Variants in NR6A1 observed in about 807,000 individuals in gnomAD.
The protein encoded by NR6A1 is nuclear receptor subfamily 6 group A member 1, also known as retinoic acid receptor-related testis-associated receptor.
A neutral mutation model predicts 59.1 loss-of-function variants in NR6A1; 7 were observed. That is an observed-to-expected ratio of 0.12 (90% confidence interval 0.07 to 0.22). NR6A1 has a LOEUF of 0.22. NR6A1 is among the 10% of genes least tolerant of loss of function. The pLI is 1.00. For missense variants in NR6A1, 468 were observed against 611.6 expected, an observed-to-expected ratio of 0.77 and a Z score of 2.48; for synonymous variants, 243 against 236.1, an observed-to-expected ratio of 1.03 and a Z score of -0.27.
chr9:124,568,436 T>C (rs889694677), intron 2 of NR6A1, among the ~76,000 whole-genome samples: 1 of 151,478 alleles, frequency 6.6e-6, no homozygotes, highest in Admixed American at 6.6e-5. Flanking sequence ...TGAACCGAGA[T>C]TGTGCCACTG....
intron 3 of NR6A1, among the ~76,000 whole-genome samples, chr9:124,549,948 CT>C (rs1833720555): frequency 6.6e-6 from 1 of 152,226 alleles, no homozygotes; most frequent in Non-Finnish European, 1.5e-5. Flanking sequence ...CCTTCATAGT[CT>C]TCTCCAATCT....
At chr9:124,737,363 A>G (rs1324376693) in intron 1 of NR6A1, among the ~76,000 whole-genome samples, 2 of 152,162 alleles carry the variant, frequency 1.3e-5, no homozygotes, top group Non-Finnish European at 2.9e-5. Flanking sequence ...CAAACCACAT[A>G]CCTACTGACC....
intron 9 of NR6A1, 131 bp downstream of exon 9, chr9:124,524,590 C>G (rs1832879598): frequency 2.0e-6 from 2 of 987,568 alleles, no homozygotes; most frequent in Non-Finnish European, 2.9e-6. Context: ...TTTTTGAGGG[C>G]AAGGGTGAGA....
intron 2 of NR6A1, among the ~76,000 whole-genome samples, chr9:124,722,753 C>T (rs1220433935): frequency 1.3e-5 from 2 of 152,080 alleles, no homozygotes; most frequent in Admixed American, 6.6e-5. Context: ...GTCTCACTCC[C>T]GACACCCAGG....
At chr9:124,622,587 A>G (rs1246397419) in intron 2 of NR6A1, among the ~76,000 whole-genome samples, 1 of 152,192 alleles carries the variant, frequency 6.6e-6, no homozygotes, top group Non-Finnish European at 1.5e-5. Flanking sequence ...AGTTAAGCAA[A>G]CTACAAATAC....
Position 124,701,201 on chromosome 9 carries a change from G to T in NR6A1, c.142+32107C>A, listed in dbSNP as rs186677437. The stretch of plus-strand genomic sequence containing the variant: ...CTGATTTACATTACCATTGTAACAC[G>T]CAAGATTTCTAGTTTCTACACATCC... On this transcript the variant is annotated intron_variant, in intron 2 of 9. Transcript: ENST00000487099. Among the ~76,000 whole-genome samples the T allele has an allele frequency of 5.0e-4, 76 of 152,238 alleles. 1 individual carries two copies. Among genetic ancestry groups the T allele is most frequent in the Middle Eastern group, 6.8e-3 (2 of 294 alleles).
At chr9:124,711,678 C>A (rs1281473819) in intron 2 of NR6A1, among the ~76,000 whole-genome samples, 1 of 152,134 alleles carries the variant, frequency 6.6e-6, no homozygotes, top group Non-Finnish European at 1.5e-5. Flanking sequence ...ACCTTCTGTC[C>A]CTATTACCTC....
intron 2 of NR6A1, among the ~76,000 whole-genome samples, chr9:124,647,298 C>T (rs1190717131): frequency 6.6e-6 from 1 of 151,910 alleles, no homozygotes; most frequent in African/African-American, 2.4e-5. Context: ...AAATAAAGAC[C>T]CAAATCAGAG....
intron 7 of NR6A1, among the ~76,000 whole-genome samples, chr9:124,531,893 T>C (rs1325403585): frequency 7.2e-5 from 11 of 152,352 alleles, no homozygotes; most frequent in African/African-American, 2.6e-4. Flanking sequence ...GTCCAGGCCT[T>C]GTTCCCTTTT....
At chr9:124,542,762 C>T (rs992510427) in intron 4 of NR6A1, among the ~76,000 whole-genome samples, 4 of 152,162 alleles carry the variant, frequency 2.6e-5, no homozygotes, top group Non-Finnish European at 5.9e-5. Context: ...CTTGCTATGT[C>T]GCCCAGGCTC....
chr9:124,607,059 A>C (rs573060034), intron 2 of NR6A1: 4 of 152,298 alleles, frequency 2.6e-5, no homozygotes, highest in Admixed American at 2.6e-4. Context: ...AGGGACAATA[A>C]AACTTGATGC....
Position 124,620,553 on chromosome 9 carries a change from C to G in NR6A1, c.143-65983G>C, listed in dbSNP as rs80007665. The stretch of plus-strand genomic sequence containing the variant: ...GACAAACTTCAAAACCACCATGCTA[C>G]GTGAAAGCAGCAAGACACAGATAAT... On this transcript the variant is annotated intron_variant, in intron 2 of 9. Coordinates refer to ENST00000487099, the MANE Select transcript of NR6A1 (RefSeq NM_033334.4). Among the ~76,000 whole-genome samples, 1,014 of 152,194 alleles carry G rather than the reference C, an allele frequency of 6.7e-3. 4 individuals are homozygous for G. The highest frequency in any genetic ancestry group is 0.015 in the South Asian group (72 of 4,826).
intron 1 of NR6A1, among the ~76,000 whole-genome samples, chr9:124,743,750 G>A (rs191084768): frequency 4.8e-4 from 73 of 152,294 alleles, no homozygotes; most frequent in African/African-American, 1.7e-3. Context: ...AGGTGAAAAC[G>A]GTTTAGGAAG....
At chr9:124,733,158 G>C (rs1839930587) in intron 2 of NR6A1, 150 bp downstream of exon 2, 14 of 653,144 alleles carry the variant, frequency 2.1e-5, no homozygotes, top group Non-Finnish European at 3.5e-5. Flanking sequence ...AAAAGACAGA[G>C]TGCCCTTCCT....
chr9:124,555,525 A>G (rs1335953506), intron 2 of NR6A1, among the ~76,000 whole-genome samples: 1 of 152,234 alleles, frequency 6.6e-6, no homozygotes, highest in Non-Finnish European at 1.5e-5. Flanking sequence ...CTGAAGCAGG[A>G]GGACTGCTTG....
chr9:124,756,399 T>A, intron 1 of NR6A1, among the ~76,000 whole-genome samples: 1 of 152,246 alleles, frequency 6.6e-6, no homozygotes, highest in South Asian at 2.1e-4. Flanking sequence ...GCAAAGCAAA[T>A]GATCTTCAAA....
intron 2 of NR6A1, among the ~76,000 whole-genome samples, chr9:124,575,199 G>A (rs1834553546): frequency 6.6e-6 from 1 of 152,188 alleles, no homozygotes. Flanking sequence ...TCTCAGGCTG[G>A]TCACTAATTT....
intron 2 of NR6A1, among the ~76,000 whole-genome samples, chr9:124,589,306 C>T (rs915991704): frequency 6.6e-6 from 1 of 150,896 alleles, no homozygotes; most frequent in Admixed American, 6.6e-5. Context: ...ATTAGCCGGG[C>T]GCGGTGGCGG....
At chr9:124,623,088 G>C (rs2130864252) in intron 2 of NR6A1, among the ~76,000 whole-genome samples, 2 of 152,292 alleles carry the variant, frequency 1.3e-5, no homozygotes, top group East Asian at 3.9e-4. Flanking sequence ...CCCTGTAGAG[G>C]TTGGCAGGAT....
Sources: gnomAD v4.1 joint callset for allele counts (sites outside exome capture counted in the v4.1 genomes callset) on GRCh38, gnomAD v4.1.1 for gene constraint, MANE v1.5 for transcripts, NCBI Gene and HGNC (gene_info 2026-07-23, HGNC 2026-07-21) for gene names.